TMEM178B: variants seen among roughly 807,000 people sequenced by gnomAD.
TMEM178B encodes transmembrane protein 178B.
Under a neutral mutation model 31.0 loss-of-function variants are expected in TMEM178B, and 5 were observed. The observed-to-expected ratio is 0.16, with a 90% CI of 0.08 to 0.34. The LOEUF is 0.34. TMEM178B is among the 10% of genes least tolerant of loss of function. The probability of loss-of-function intolerance (pLI) is 1.00; values close to 1 mark genes in which losing one functional copy is unlikely to be tolerated. For missense variants in TMEM178B, 275 were observed against 400.3 expected, an observed-to-expected ratio of 0.69 and a Z score of 2.67; for synonymous variants, 164 against 164.0, an observed-to-expected ratio of 1.00 and a Z score of 0.00.
chr7:141,322,060 T>A (rs1442782140), intron 2 of TMEM178B, among the ~76,000 whole-genome samples: 1 of 152,198 alleles, frequency 6.6e-6, no homozygotes, highest in African/African-American at 2.4e-5. Flanking sequence ...GCTGGGGATC[T>A]GATATGGTCT....
chr7:141,343,560 G>A (rs1314386529), intron 2 of TMEM178B, among the ~76,000 whole-genome samples: 1 of 133,750 alleles, frequency 7.5e-6, no homozygotes, highest in Non-Finnish European at 1.6e-5. Context: ...GTGAGATGGA[G>A]TCTTGCTCTG....
the TMEM178B span, among the ~76,000 whole-genome samples, chr7:141,494,831 G>A: frequency 6.6e-6 from 1 of 152,176 alleles, no homozygotes; most frequent in Admixed American, 6.5e-5. Flanking sequence ...TATTTTAAAT[G>A]TAGGCGCTGA....
intron 2 of TMEM178B, among the ~76,000 whole-genome samples, chr7:141,348,759 G>A (rs1799660542): frequency 6.6e-6 from 1 of 152,198 alleles, no homozygotes; most frequent in South Asian, 2.1e-4. Context: ...TACCCTGAGT[G>A]GACGGCTGAT....
chr7:141,164,884 A>T (rs933323327), intron 1 of TMEM178B, among the ~76,000 whole-genome samples: 2 of 152,130 alleles, frequency 1.3e-5, no homozygotes, highest in African/African-American at 2.4e-5. Context: ...CACCTCATGG[A>T]TCAATAGGGC....
chr7:141,295,671 G>C (rs1267540180), intron 2 of TMEM178B, among the ~76,000 whole-genome samples: 1 of 152,156 alleles, frequency 6.6e-6, no homozygotes, highest in Non-Finnish European at 1.5e-5. Flanking sequence ...GGTTTCTGCA[G>C]GGGGCCAATT....
At chr7:141,321,890 C>T (rs1799105466) in intron 2 of TMEM178B, among the ~76,000 whole-genome samples, 1 of 151,988 alleles carries the variant, frequency 6.6e-6, no homozygotes, top group Non-Finnish European at 1.5e-5. Context: ...CTACAGGACC[C>T]AGGAGGCTTG....
At chr7:141,298,802 A>G (rs1435864996) in intron 2 of TMEM178B, among the ~76,000 whole-genome samples, 2 of 152,258 alleles carry the variant, frequency 1.3e-5, no homozygotes, top group Non-Finnish European at 2.9e-5. Flanking sequence ...CAGATATGCA[A>G]TCCACATACC....
chr7:141,419,901 A>G (rs1191827636), intron 2 of TMEM178B, among the ~76,000 whole-genome samples: 2 of 152,162 alleles, frequency 1.3e-5, no homozygotes, highest in African/African-American at 4.8e-5. Flanking sequence ...CGTGGCAAAA[A>G]AAACCATTAC....
At chr7:141,452,414 T>A (rs1239567631) in intron 3 of TMEM178B, among the ~76,000 whole-genome samples, 2 of 152,246 alleles carry the variant, frequency 1.3e-5, no homozygotes, top group African/African-American at 4.8e-5. Flanking sequence ...GCTTGTTTTC[T>A]TCACTTCCTT....
intron 2 of TMEM178B, among the ~76,000 whole-genome samples, chr7:141,231,419 A>C (rs1330908674): frequency 6.6e-6 from 1 of 152,242 alleles, no homozygotes; most frequent in African/African-American, 2.4e-5. Flanking sequence ...GCAATCCATT[A>C]ATGTAATCAA....
intron 1 of TMEM178B, among the ~76,000 whole-genome samples, chr7:141,140,313 G>A (rs909804951): frequency 6.6e-6 from 1 of 152,158 alleles, no homozygotes; most frequent in African/African-American, 2.4e-5. Context: ...CAGGCTTAAA[G>A]TTAACTCCTC....
intron 2 of TMEM178B, among the ~76,000 whole-genome samples, chr7:141,380,536 A>C (rs1245071292): frequency 6.6e-6 from 1 of 152,164 alleles, no homozygotes; most frequent in African/African-American, 2.4e-5. Flanking sequence ...GTTGTTTACT[A>C]CCAGGATTAT....
downstream of TMEM178B, among the ~76,000 whole-genome samples, chr7:141,481,162 C>G (rs184719202): frequency 2.0e-5 from 3 of 152,344 alleles, no homozygotes; most frequent in Admixed American, 2.0e-4. Context: ...GCTGCTTCTG[C>G]CGCCACCTCC....
At chr7:141,439,699 T>C (rs1225707517) in intron 3 of TMEM178B, among the ~76,000 whole-genome samples, 2 of 151,820 alleles carry the variant, frequency 1.3e-5, no homozygotes, top group African/African-American at 4.8e-5. Flanking sequence ...TCTAGAGAGG[T>C]CTCCCAGGAA....
At position 141,200,270 on chromosome 7, in the gene TMEM178B, G is replaced by A. The variant is rs570754004; in HGVS notation, c.383-12321G>A. Reference sequence around the variant, plus strand: ...TTCTAGTGGGCCTGTCCTGGTTGCCGGGGGAGACAGGATGGCTTAAGGGAG... The same window carrying A: ...TTCTAGTGGGCCTGTCCTGGTTGCCAGGGGAGACAGGATGGCTTAAGGGAG... On this transcript the variant is annotated intron_variant, in intron 1 of 3. Transcript: ENST00000565468. 5.9e-5 allele frequency among the ~76,000 whole-genome samples: 9 copies of A among 152,200 alleles called. No individual in the cohort carries two copies. In the South Asian group the frequency reaches 6.2e-4, roughly 11 times the overall value.
At chr7:141,135,536 C>T (rs967277148) in intron 1 of TMEM178B, among the ~76,000 whole-genome samples, 1 of 152,168 alleles carries the variant, frequency 6.6e-6, no homozygotes, top group African/African-American at 2.4e-5. Context: ...AGTATCTTCT[C>T]AGATCACCGT....
intron 1 of TMEM178B, among the ~76,000 whole-genome samples, chr7:141,092,541 T>C (rs961878490): frequency 6.6e-6 from 1 of 152,202 alleles, no homozygotes; most frequent in Non-Finnish European, 1.5e-5. Flanking sequence ...GGGTAAATTA[T>C]ATAGATTATA....
intron 2 of TMEM178B, among the ~76,000 whole-genome samples, chr7:141,316,451 G>A (rs1799006626): frequency 6.6e-6 from 1 of 152,154 alleles, no homozygotes. Flanking sequence ...CGAATTCTAA[G>A]TCAGAGAGTT....
At chr7:141,129,564 A>G (rs552962251) in intron 1 of TMEM178B, among the ~76,000 whole-genome samples, 18 of 151,812 alleles carry the variant, frequency 1.2e-4, no homozygotes, top group Non-Finnish European at 1.9e-4. Context: ...AAATATAAAC[A>G]CTCTCTGACT....
Sources: allele counts gnomAD v4.1 joint callset (sites outside exome capture counted in the v4.1 genomes callset), GRCh38; gene constraint gnomAD v4.1.1; transcripts MANE v1.5; gene names NCBI Gene and HGNC (gene_info 2026-07-23, HGNC 2026-07-21).